The following PCDH17 variants were observed in gnomAD, a reference collection of about 807,000 sequenced individuals.
PCDH17 encodes protocadherin-17.
Under a neutral mutation model 67.7 loss-of-function variants are expected in PCDH17, and 21 were observed. The ratio of observed to expected loss-of-function variants is 0.31; its 90% confidence interval spans 0.22 to 0.45. PCDH17 has a LOEUF of 0.45. Ranked by LOEUF, PCDH17 falls within the 20% of genes least tolerant of loss-of-function variation. The pLI is 1.00. For missense variants in PCDH17, 1,471 were observed against 1,564.8 expected (o/e 0.94, Z 1.01); for synonymous variants, 701 against 656.7 (o/e 1.07, Z -1.03).
intron 3 of PCDH17, among the ~76,000 whole-genome samples, chr13:57,689,324 T>C (rs551707314): frequency 6.6e-6 from 1 of 152,074 alleles, no homozygotes; most frequent in South Asian, 2.1e-4. Flanking sequence ...TTCCTACTTG[T>C]CTGGCATATT....
At chr13:57,677,207 A>G (rs1248134001) in intron 3 of PCDH17, among the ~76,000 whole-genome samples, 2 of 151,852 alleles carry the variant, frequency 1.3e-5, no homozygotes, top group African/African-American at 4.8e-5. Context: ...CCAATTCCCT[A>G]GACTCTCTTG....
At chr13:57,679,397 T>C (rs894109482) in intron 3 of PCDH17, among the ~76,000 whole-genome samples, 2 of 151,018 alleles carry the variant, frequency 1.3e-5, no homozygotes, top group Non-Finnish European at 3.0e-5. Context: ...GATGGACTAT[T>C]TAGTCTAGCC....
intron 3 of PCDH17, among the ~76,000 whole-genome samples, chr13:57,712,616 G>A (rs1955786377): frequency 6.6e-6 from 1 of 151,416 alleles, no homozygotes; most frequent in South Asian, 2.1e-4. Flanking sequence ...TATGAAAATT[G>A]TTAAATGGCT....
In PCDH17 at chr13:57,642,804, G is replaced by A. The variant is rs1249192789; in HGVS notation, c.2565+7693G>A. Among the ~76,000 whole-genome samples the A allele has an allele frequency of 4.6e-5, 7 of 151,614 alleles. No homozygotes were observed. In the East Asian group the frequency reaches 1.4e-3, roughly 29 times the overall value. ...CTTTGATCAAATGAAAATGCAACAG[G>A]TATTTATTGTAGGCAGAAATGGTTA... On this transcript the variant is annotated intron_variant, in intron 1 of 3. Coordinates refer to ENST00000377918, the MANE Select transcript of PCDH17 (RefSeq NM_001040429.3).
chr13:57,724,230 GA>G (rs1171744347), intron 3 of PCDH17, among the ~76,000 whole-genome samples: 1 of 152,050 alleles, frequency 6.6e-6, no homozygotes, highest in South Asian at 2.1e-4. Context: ...TATTTGATTT[GA>G]AAAAAATAAT....
At chr13:57,702,904 C>A (rs2138077855) in intron 3 of PCDH17, among the ~76,000 whole-genome samples, 1 of 152,254 alleles carries the variant, frequency 6.6e-6, no homozygotes, top group Admixed American at 6.5e-5. Context: ...CTGGCAGGCT[C>A]CAACTGATTC....
At chr13:57,686,594 A>C (rs79540449) in intron 3 of PCDH17, among the ~76,000 whole-genome samples, 1,534 of 152,064 alleles carry the variant, frequency 0.01, 24 homozygotes, top group African/African-American at 0.035. Context: ...GGTAGTTTGC[A>C]AATAAGTAAC....
chr13:57,643,969 A>G (rs1003146053), intron 1 of PCDH17, among the ~76,000 whole-genome samples: 2 of 151,812 alleles, frequency 1.3e-5, no homozygotes, highest in African/African-American at 2.4e-5. Context: ...CATTTTAGAA[A>G]ACAATACAAA....
intron 3 of PCDH17, among the ~76,000 whole-genome samples, chr13:57,683,203 G>C (rs1323468241): frequency 1.3e-5 from 2 of 151,818 alleles, no homozygotes; most frequent in Non-Finnish European, 2.9e-5. Context: ...GGGGATGATT[G>C]TATTTGGAGA....
chr13:57,639,725 A>G (rs755316025), intron 1 of PCDH17, among the ~76,000 whole-genome samples: 5 of 151,966 alleles, frequency 3.3e-5, no homozygotes, highest in Non-Finnish European at 7.4e-5. Flanking sequence ...AATAAATATT[A>G]CCATATGTAA....
chr13:57,696,679 A>G (rs886600505), intron 3 of PCDH17, among the ~76,000 whole-genome samples: 6 of 151,564 alleles, frequency 4.0e-5, no homozygotes, highest in Non-Finnish European at 8.9e-5. Flanking sequence ...TGTCATTTAC[A>G]TAGGATAAAG....
intron 3 of PCDH17, among the ~76,000 whole-genome samples, chr13:57,678,326 G>A (rs1459889741): frequency 1.3e-5 from 2 of 151,406 alleles, no homozygotes; most frequent in African/African-American, 4.8e-5. Context: ...TGTTATGGAT[G>A]AAAAAAGCTT....
rs1027912363 is a variant in PCDH17, at chr13:57,725,271, G to C, written c.3457G>C (p.Asp1153His). ...DKLLQDCRGN[D>H]PVAVRK ...GCTTTTGCAAGACTGCCGGGGAAAC[G>C]ACCCTGTGGCTGTGAGAAAGTGAAA... Residue 1153 changes from aspartate (D) to histidine (H), a missense_variant, in exon 4 of 4, where the codon GAC becomes CAC. Asp to His is a moderately conservative substitution (Grantham distance 81). Transcript: ENST00000377918. 1 of 1,607,338 alleles carries C rather than the reference G, an allele frequency of 6.2e-7. No homozygotes were observed. The highest frequency in any genetic ancestry group is 8.5e-7 in the Non-Finnish European group (1 of 1,176,486).
At chr13:57,708,143 A>G (rs1237879137) in intron 3 of PCDH17, among the ~76,000 whole-genome samples, 3 of 152,056 alleles carry the variant, frequency 2.0e-5, no homozygotes, top group Non-Finnish European at 4.4e-5. Context: ...CATATTTTGA[A>G]TGTATCTAAA....
At position 57,666,740 on chromosome 13, in the gene PCDH17, C is replaced by G. The variant is rs1255280880; in HGVS notation, c.2704C>G (p.Gln902Glu). The G allele has an allele frequency of 1.2e-6, 2 of 1,613,708 alleles. No homozygotes were observed. Among genetic ancestry groups the G allele is most frequent in the South Asian group, 1.1e-5 (1 of 91,058 alleles). Residue 902 changes from glutamine (Q) to glutamate (E), a missense_variant, in exon 3 of 4, where the codon CAA becomes GAA. Physicochemically the swap from Gln to Glu is conservative, Grantham distance 29 (BLOSUM62 2). This residue lies in a region of PCDH17 where 11 missense variants were observed against 36.2 expected (regional missense o/e 0.30). Coordinates refer to ENST00000377918, the MANE Select transcript of PCDH17 (RefSeq NM_001040429.3). ...GGACAGTGATCAGGCTGACAGTGAC[C>G]AAGACACTAACAAAGGCTCCTGCTG... is the stretch of plus-strand genomic sequence containing the variant. ...HGDSDQADSD[Q>E]DTNKGSCCDM...
rs1458084005 is a variant in PCDH17, at chr13:57,729,034, A to C, written c.*3740A>C. 1.3e-5 allele frequency: 2 copies of C among 152,246 alleles called. No homozygotes were observed. Among genetic ancestry groups the C allele is most frequent in the African/African-American group, 4.8e-5 (2 of 41,568 alleles). 9.4% of individuals were successfully genotyped at this position (152,246 alleles called of 1,614,324 possible). On this transcript the variant is annotated 3_prime_UTR_variant, in exon 4 of 4. Transcript: ENST00000377918. ...ATTCATCAGAGCACTAATTCGAATG[A>C]GAGTTTTGGCTATCAAGATGTGTTG...
intron 3 of PCDH17, among the ~76,000 whole-genome samples, chr13:57,694,937 C>T (rs1405140814): frequency 6.6e-6 from 1 of 151,030 alleles, no homozygotes; most frequent in Non-Finnish European, 1.5e-5. Context: ...CTGTAATTCC[C>T]TGATGAGGAA....
intron 3 of PCDH17, among the ~76,000 whole-genome samples, chr13:57,693,392 C>A (rs1317466158): frequency 7.3e-6 from 1 of 136,738 alleles, no homozygotes. Context: ...ATGCTTAGAT[C>A]TTGAGATTCT....
chr13:57,669,668 T>C (rs1297728158), intron 3 of PCDH17, among the ~76,000 whole-genome samples: 2 of 152,104 alleles, frequency 1.3e-5, no homozygotes, highest in Non-Finnish European at 2.9e-5. Flanking sequence ...AAAAAGTTTT[T>C]ATTTTTATCT....
Sources: allele counts gnomAD v4.1 joint callset (sites outside exome capture counted in the v4.1 genomes callset), GRCh38; gene constraint gnomAD v4.1.1; regional missense constraint gnomAD v4.1.1; transcripts MANE v1.5; gene names NCBI Gene and HGNC (gene_info 2026-07-23, HGNC 2026-07-21).